PTPRN2: variants seen among roughly 807,000 people sequenced by gnomAD.
PTPRN2 encodes the protein receptor-type tyrosine-protein phosphatase N2.
Under a neutral mutation model 118.8 loss-of-function variants are expected in PTPRN2, and 74 were observed. The ratio of observed to expected loss-of-function variants is 0.62; its 90% CI spans 0.52 to 0.76. The LOEUF is 0.76. Among genes scored for constraint, PTPRN2 ranks in the 30% least tolerant of loss-of-function variants. The pLI, the probability that PTPRN2 is intolerant of heterozygous loss-of-function variation, is 0.00. For synonymous variants in PTPRN2, 641 were observed against 608.0 expected (o/e 1.05, Z -0.80); for missense variants, 1,481 against 1,394.4 (o/e 1.06, Z -0.99).
intron 11 of PTPRN2, among the ~76,000 whole-genome samples, chr7:157,963,893 G>A (rs1801714163): frequency 6.6e-6 from 1 of 152,132 alleles, no homozygotes; most frequent in African/African-American, 2.4e-5. Flanking sequence ...TTGGACAGAC[G>A]AGTTCTCCCT....
intron 12 of PTPRN2, among the ~76,000 whole-genome samples, chr7:157,691,050 C>A (rs1299377084): frequency 7.3e-6 from 1 of 137,832 alleles, no homozygotes; most frequent in African/African-American, 2.7e-5. Context: ...GCCCAGCCAC[C>A]GGTTGCTATA....
chr7:157,952,036 T>C (rs1800846468), intron 11 of PTPRN2, among the ~76,000 whole-genome samples: 1 of 152,170 alleles, frequency 6.6e-6, no homozygotes, highest in Non-Finnish European at 1.5e-5. Context: ...CCTCCCAAGC[T>C]CACAGTCTAG....
chr7:158,262,285 C>G (rs1203743677), intron 3 of PTPRN2, among the ~76,000 whole-genome samples: 3 of 151,954 alleles, frequency 2.0e-5, no homozygotes, highest in Non-Finnish European at 4.4e-5. Context: ...TACACACATT[C>G]ACACACACCG....
chr7:157,626,912 C>T (rs542784775), intron 14 of PTPRN2, among the ~76,000 whole-genome samples: 30 of 152,368 alleles, frequency 2.0e-4, no homozygotes, highest in South Asian at 4.1e-4. Flanking sequence ...ATCTTCCTTT[C>T]TGGGGTTGCC....
At chr7:158,120,226 A>T (rs1028194026) in intron 9 of PTPRN2, among the ~76,000 whole-genome samples, 3 of 152,170 alleles carry the variant, frequency 2.0e-5, no homozygotes, top group Non-Finnish European at 4.4e-5. Flanking sequence ...ATGAAACTTC[A>T]GTTTTACAGG....
intron 5 of PTPRN2, among the ~76,000 whole-genome samples, chr7:158,169,544 G>C (rs1823348371): frequency 6.6e-6 from 1 of 151,772 alleles, no homozygotes; most frequent in African/African-American, 2.4e-5. Flanking sequence ...GCCTCCCAAA[G>C]TGCTGGGATT....
chr7:158,150,401 T>G (rs1226977676), intron 6 of PTPRN2, among the ~76,000 whole-genome samples: 1 of 152,174 alleles, frequency 6.6e-6, no homozygotes, highest in Non-Finnish European at 1.5e-5. Context: ...AGGGCTGAGA[T>G]GTCCACCCTC....
rs557467675 is a variant in PTPRN2 at position 157,609,468 on chromosome 7, T to C, written c.2345-5393A>G. 2.0e-5 allele frequency among the ~76,000 whole-genome samples: 3 copies of C among 152,312 alleles called. No homozygotes were observed. In the East Asian group the frequency reaches 5.8e-4, roughly 29 times the overall value. ...TATTTTCACGGATTAGATCCTCTTC[T>C]CTCATCCTGGACCCAGTGGCCATCC... is the stretch of plus-strand genomic sequence containing the variant. On this transcript the variant is annotated intron_variant, in intron 15 of 22. Transcript: ENST00000389418. This position sits in a 1 kb window ranked among gnomAD's most constrained non-coding sequence, Gnocchi z 4.9.
chr7:158,512,306 T>A (rs1167891431), intron 1 of PTPRN2, among the ~76,000 whole-genome samples: 1 of 152,162 alleles, frequency 6.6e-6, no homozygotes, highest in African/African-American at 2.4e-5. Flanking sequence ...CACACATGCA[T>A]GCAAAGTGAA....
chr7:157,904,866 C>T (rs764609743), intron 11 of PTPRN2, among the ~76,000 whole-genome samples: 1 of 152,196 alleles, frequency 6.6e-6, no homozygotes, highest in African/African-American at 2.4e-5. Context: ...CACAGCCCTG[C>T]GGTTTGTTGC....
chr7:158,340,579 A>C (rs567715905), intron 2 of PTPRN2, among the ~76,000 whole-genome samples: 15 of 117,768 alleles, frequency 1.3e-4, no homozygotes, highest in African/African-American at 4.8e-4. Context: ...TCACCATAAG[A>C]GCCGACGCCC....
At chr7:158,519,263 T>C (rs1276409288) in intron 1 of PTPRN2, among the ~76,000 whole-genome samples, 2 of 152,354 alleles carry the variant, frequency 1.3e-5, no homozygotes, top group African/African-American at 2.4e-5. Flanking sequence ...GTGCTGACAC[T>C]GTCCTGCCAG....
intron 1 of PTPRN2, among the ~76,000 whole-genome samples, chr7:158,586,469 G>T (rs1397899193): frequency 6.6e-6 from 1 of 152,194 alleles, no homozygotes; most frequent in Non-Finnish European, 1.5e-5. Flanking sequence ...ATCCCCGCCT[G>T]CGTTTGCTTC....
At chr7:158,129,359 C>G (rs529793489) in intron 9 of PTPRN2, among the ~76,000 whole-genome samples, 3 of 151,172 alleles carry the variant, frequency 2.0e-5, no homozygotes, top group Admixed American at 1.3e-4. Context: ...ACACACCACA[C>G]AGCACACCAC....
At chr7:157,976,836 T>C (rs540308392) in intron 11 of PTPRN2, among the ~76,000 whole-genome samples, 1 of 151,822 alleles carries the variant, frequency 6.6e-6, no homozygotes, top group East Asian at 1.9e-4. Context: ...ACTGTGGGGG[T>C]ATAGAGGTGT....
At chr7:157,981,357 C>G (rs1268603157) in intron 11 of PTPRN2, among the ~76,000 whole-genome samples, 1 of 148,726 alleles carries the variant, frequency 6.7e-6, no homozygotes, top group African/African-American at 2.6e-5. Flanking sequence ...ACAGGTGAAA[C>G]TGCTCAAACT....
At chr7:158,459,304 G>A (rs62480027) in intron 2 of PTPRN2, among the ~76,000 whole-genome samples, 53,365 of 90,388 alleles carry the variant, frequency 0.59, 12,681 homozygotes, top group Non-Finnish European at 0.61. Flanking sequence ...TGCCTGGGAT[G>A]AATGGGCTCC....
chr7:158,018,815 G>C (rs1302407534), intron 11 of PTPRN2, among the ~76,000 whole-genome samples: 1 of 151,942 alleles, frequency 6.6e-6, no homozygotes, highest in Non-Finnish European at 1.5e-5. Context: ...ACAAAAATTA[G>C]CTGGGCGTCG....
intron 6 of PTPRN2, among the ~76,000 whole-genome samples, chr7:158,150,172 A>C (rs1368613053): frequency 6.6e-6 from 1 of 152,224 alleles, no homozygotes; most frequent in East Asian, 1.9e-4. Context: ...CTGTTGCCTC[A>C]AGCGGGGCAG....
Sources: gnomAD v4.1 joint callset for allele counts (sites outside exome capture counted in the v4.1 genomes callset) on GRCh38, gnomAD v4.1.1 for gene constraint, Gnocchi (gnomAD v3.1) non-coding constraint, MANE v1.5 for transcripts, NCBI Gene and HGNC (gene_info 2026-07-23, HGNC 2026-07-21) for gene names.